AGMO: variants seen among roughly 807,000 people sequenced by gnomAD.
The protein encoded by AGMO is glyceryl-ether monooxygenase.
A neutral mutation model predicts 60.2 loss-of-function variants in AGMO; 75 were observed. That is an observed-to-expected ratio of 1.25 (90% CI 1.03 to 1.51). The LOEUF (loss-of-function observed/expected upper bound fraction) is 1.51, where lower values mean the gene tolerates loss of function less well. AGMO is among the 40% of genes most tolerant of loss of function. The pLI, the probability that AGMO is intolerant of heterozygous loss-of-function variation, is 0.00. For missense variants in AGMO, 763 were observed against 525.5 expected, an observed-to-expected ratio of 1.45 and a Z score of -4.42; for synonymous variants, 261 against 177.1, an observed-to-expected ratio of 1.47 and a Z score of -3.76.
At chr7:15,156,751 T>C in the AGMO span, among the ~76,000 whole-genome samples, 1 of 152,150 alleles carries the variant, frequency 6.6e-6, no homozygotes, top group African/African-American at 2.4e-5. Flanking sequence ...CTCTGTCCAC[T>C]CTCAGTGCCT....
intron 12 of AGMO, among the ~76,000 whole-genome samples, chr7:15,236,677 G>A (rs139729881): frequency 6.6e-6 from 1 of 152,230 alleles, no homozygotes; most frequent in East Asian, 1.9e-4. Flanking sequence ...GATATATGTT[G>A]AGGATATATG....
intron 12 of AGMO, among the ~76,000 whole-genome samples, chr7:15,330,292 T>TA (rs1781461395): frequency 6.6e-6 from 1 of 152,152 alleles, no homozygotes; most frequent in Admixed American, 6.6e-5. Context: ...AAATCATTGA[T>TA]AAACATTAAC....
chr7:15,217,772 A>G (rs62448946), intron 12 of AGMO, among the ~76,000 whole-genome samples: 35,092 of 151,854 alleles, frequency 0.23, 4,679 homozygotes, highest in African/African-American at 0.36. Flanking sequence ...GTAAATGAGA[A>G]GAATGGTGGA....
chr7:15,335,735 T>C (rs1781639077), intron 12 of AGMO, among the ~76,000 whole-genome samples: 1 of 152,180 alleles, frequency 6.6e-6, no homozygotes, highest in African/African-American at 2.4e-5. Flanking sequence ...TAAATATATT[T>C]CAGTTTTCAC....
chr7:15,448,552 T>G (rs1356066865), intron 3 of AGMO, among the ~76,000 whole-genome samples: 1 of 152,172 alleles, frequency 6.6e-6, no homozygotes, highest in Admixed American at 6.5e-5. Context: ...AGTAAAAGCT[T>G]TAAGCATAAA....
chr7:15,311,264 C>T (rs190236229), intron 12 of AGMO, among the ~76,000 whole-genome samples: 84 of 152,162 alleles, frequency 5.5e-4, no homozygotes, highest in African/African-American at 1.9e-3. Context: ...ACTCATATAG[C>T]GCAAAAGCTA....
chr7:15,475,833 T>G (rs1449345081), intron 3 of AGMO, among the ~76,000 whole-genome samples: 1 of 151,966 alleles, frequency 6.6e-6, no homozygotes, highest in Non-Finnish European at 1.5e-5. Context: ...TATTTGAAAG[T>G]AGGATTAAAA....
chr7:15,536,192 T>C (rs974383219), intron 3 of AGMO, among the ~76,000 whole-genome samples: 1 of 151,922 alleles, frequency 6.6e-6, no homozygotes, highest in Admixed American at 6.6e-5. Context: ...ATTACCATTA[T>C]TATTCCCATT....
chr7:15,446,306 C>T (rs1290412472), intron 3 of AGMO, among the ~76,000 whole-genome samples: 1 of 152,142 alleles, frequency 6.6e-6, no homozygotes, highest in Non-Finnish European at 1.5e-5. Context: ...CCTAGTAATT[C>T]TCTCTTTCCC....
At chr7:15,353,029 G>T (rs983269985) in intron 12 of AGMO, among the ~76,000 whole-genome samples, 1 of 152,068 alleles carries the variant, frequency 6.6e-6, no homozygotes, top group South Asian at 2.1e-4. Context: ...ACACTCAGAC[G>T]AAAGGAGGTG....
At chr7:15,352,874 T>C (rs765868156) in intron 12 of AGMO, among the ~76,000 whole-genome samples, 3 of 152,084 alleles carry the variant, frequency 2.0e-5, no homozygotes, top group Non-Finnish European at 4.4e-5. Flanking sequence ...TGTATGTGTT[T>C]AATTCCTTGT....
chr7:15,355,714 G>A (rs1197959603), intron 12 of AGMO, among the ~76,000 whole-genome samples: 2 of 151,830 alleles, frequency 1.3e-5, no homozygotes, highest in Non-Finnish European at 2.9e-5. Flanking sequence ...AATAATGGAT[G>A]GTATAATAGT....
In AGMO at chr7:15,241,736, T is replaced by C. The variant is rs1176335126; in HGVS notation, c.1264-40377A>G. On this transcript the variant is annotated intron_variant, in intron 12 of 12. Coordinates refer to ENST00000342526, the MANE Select transcript of AGMO (RefSeq NM_001004320.2). Reference sequence around the variant, plus strand: ...AATGTAATGGCTTAAAAAATTCCCATTTATTGTTACATAATTTTGTGAGTC... The same window carrying C: ...AATGTAATGGCTTAAAAAATTCCCACTTATTGTTACATAATTTTGTGAGTC... 2.0e-5 allele frequency among the ~76,000 whole-genome samples: 3 copies of C among 152,136 alleles called. No individual in the cohort carries two copies. In the East Asian group the frequency reaches 5.8e-4, roughly 29 times the overall value.
At chr7:15,389,171 G>A (rs1433111892) in intron 8 of AGMO, among the ~76,000 whole-genome samples, 2 of 152,082 alleles carry the variant, frequency 1.3e-5, no homozygotes, top group Non-Finnish European at 2.9e-5. Flanking sequence ...ATCATACAGA[G>A]GCTTGTTTAG....
chr7:15,529,636 A>ATATATAG lies in AGMO; in HGVS notation c.409+15135_409+15136insCTATATA, dbSNP rs1554283083. 3.4e-3 allele frequency among the ~76,000 whole-genome samples: 27 copies of ATATATAG among 8,030 alleles called. 7 individuals are homozygous for ATATATAG. Among genetic ancestry groups the ATATATAG allele is most frequent in the African/African-American group, 0.018 (25 of 1,424 alleles). 5.3% of individuals were successfully genotyped at this position (8,030 alleles called of 152,430 possible). Reference sequence around the variant, plus strand: ...TATATATAGAATATATATATAGAATATATATATATACTATATATTCTATAT... The same window carrying ATATATAG: ...TATATATAGAATATATATATAGAATATATATAGTATATATATACTATATATTCTATAT... On this transcript the variant is annotated intron_variant, in intron 3 of 12. Coordinates refer to ENST00000342526, the MANE Select transcript of AGMO (RefSeq NM_001004320.2).
At chr7:15,212,951 G>A (rs1781635854) in intron 12 of AGMO, among the ~76,000 whole-genome samples, 2 of 151,886 alleles carry the variant, frequency 1.3e-5, no homozygotes, top group Non-Finnish European at 2.9e-5. Context: ...AGTTTCAATT[G>A]ATTATATTGT....
intron 3 of AGMO, among the ~76,000 whole-genome samples, chr7:15,478,592 G>A (rs750439537): frequency 3.3e-5 from 5 of 152,146 alleles, no homozygotes; most frequent in Non-Finnish European, 5.9e-5. Context: ...CATTAGCACA[G>A]TCAATGGGGT....
intron 12 of AGMO, among the ~76,000 whole-genome samples, chr7:15,286,683 A>G (rs1342033811): frequency 6.6e-6 from 1 of 152,126 alleles, no homozygotes; most frequent in Non-Finnish European, 1.5e-5. Flanking sequence ...CAAAAAACTA[A>G]AAGAAGATCT....
In AGMO at chr7:15,254,226, G is replaced by T. The variant is rs75609068; in HGVS notation, c.1264-52867C>A. On this transcript the variant is annotated intron_variant, in intron 12 of 12. Transcript: ENST00000342526. ...GTGCAGATGTCTCTCTAACATATTG[G>T]TTTTATTTCTTTTCAATATTTACAC... 5.0e-3 allele frequency among the ~76,000 whole-genome samples: 762 copies of T among 152,040 alleles called. 23 individuals carry two copies. The East Asian group carries it at 0.071, about 14-fold the overall frequency.
Sources: gnomAD v4.1 joint callset for allele counts (sites outside exome capture counted in the v4.1 genomes callset) on GRCh38, gnomAD v4.1.1 for gene constraint, MANE v1.5 for transcripts, NCBI Gene and HGNC (gene_info 2026-07-23, HGNC 2026-07-21) for gene names.